Variants in SCG5 observed in about 807,000 individuals in gnomAD.
SCG5 encodes the protein secretogranin V.
SCG5 carries 18 observed loss-of-function variants against 25.7 expected under a neutral mutation model. That is an observed-to-expected ratio of 0.70 (90% CI 0.48 to 1.04). The LOEUF is 1.04. SCG5 is among the 50% of genes least tolerant of loss of function. The pLI is 0.00. For synonymous variants in SCG5, 101 were observed against 91.7 expected, an observed-to-expected ratio of 1.10 and a Z score of -0.58; for missense variants, 206 against 259.8, an observed-to-expected ratio of 0.79 and a Z score of 1.42.
At chr15:32,662,744 GA>G (rs2054240454) in intron 2 of SCG5, among the ~76,000 whole-genome samples, 1 of 152,044 alleles carries the variant, frequency 6.6e-6, no homozygotes, top group African/African-American at 2.4e-5. Context: ...GAAGAAGAGG[GA>G]AGAATGGCGA....
At chr15:32,663,487 G>A (rs2054271894) in intron 2 of SCG5, among the ~76,000 whole-genome samples, 1 of 152,118 alleles carries the variant, frequency 6.6e-6, no homozygotes, top group South Asian at 2.1e-4. Context: ...TGTGGCAGGA[G>A]GCATCAGGGT....
intron 2 of SCG5, among the ~76,000 whole-genome samples, chr15:32,646,860 G>T (rs1445551364): frequency 6.6e-6 from 1 of 152,136 alleles, no homozygotes; most frequent in Middle Eastern, 3.2e-3. Flanking sequence ...GACACATGGA[G>T]TATCTTCCAT....
At chr15:32,645,327 G>A (rs190149473) in intron 2 of SCG5, among the ~76,000 whole-genome samples, 24 of 152,270 alleles carry the variant, frequency 1.6e-4, no homozygotes, top group South Asian at 1.2e-3. Context: ...AGCCACTCCC[G>A]GGGCATCAAA....
intron 2 of SCG5, among the ~76,000 whole-genome samples, chr15:32,648,962 G>A (rs543645044): frequency 6.6e-6 from 1 of 152,178 alleles, no homozygotes; most frequent in Admixed American, 6.5e-5. Context: ...TAGTAGAGAC[G>A]GGGTTTCACC....
chr15:32,667,498 T>C (rs888994895), intron 2 of SCG5, among the ~76,000 whole-genome samples: 2 of 152,368 alleles, frequency 1.3e-5, no homozygotes, highest in African/African-American at 4.8e-5. Context: ...TCTGAGCGTA[T>C]TGCCGGAGGC....
Position 32,643,745 on chromosome 15 carries a change from G to A in SCG5, c.153G>A (p.Leu51=), listed in dbSNP as rs763857379. Residue 51 remains leucine (L), a synonymous_variant, in exon 2 of 6, where the codon TTG becomes TTA. Transcript: ENST00000300175. ...TGCTTCATGGTGTTATGGAGCAATT[G>A]GGCATTGCCAGGCCCCGAGTGGAAT... ...QRLLHGVMEQ[L]GIARPRVEYP... is the part of the protein sequence containing the mutation. The A allele has an allele frequency of 1.2e-6, 2 of 1,613,914 alleles. No homozygotes were observed. Among genetic ancestry groups the A allele is most frequent in the South Asian group, 1.1e-5 (1 of 91,072 alleles).
At chr15:32,643,910 C>T (rs1182792200) in intron 2 of SCG5, 92 bp downstream of exon 2, 11 of 1,049,808 alleles carry the variant, frequency 1.0e-5, no homozygotes, top group Non-Finnish European at 1.5e-5. Flanking sequence ...AAGTAGATGC[C>T]TTTATTATCC....
chr15:32,654,907 C>T (rs749419233), intron 2 of SCG5, among the ~76,000 whole-genome samples: 2 of 152,176 alleles, frequency 1.3e-5, no homozygotes, highest in Non-Finnish European at 2.9e-5. Context: ...CCAGCCTTCG[C>T]AACATGTAAA....
chr15:32,645,457 A>T (rs1244433313), intron 2 of SCG5, among the ~76,000 whole-genome samples: 1 of 152,162 alleles, frequency 6.6e-6, no homozygotes, highest in African/African-American at 2.4e-5. Flanking sequence ...GTCTGAGTGG[A>T]GAGGGAAGTG....
intron 2 of SCG5, among the ~76,000 whole-genome samples, chr15:32,664,533 G>A (rs543199794): frequency 6.6e-6 from 1 of 152,170 alleles, no homozygotes; most frequent in African/African-American, 2.4e-5. Context: ...TTCAAGTTTT[G>A]TGAGGCCTGA....
intron 4 of SCG5, among the ~76,000 whole-genome samples, chr15:32,690,699 A>G (rs755281802): frequency 2.6e-5 from 4 of 152,164 alleles, no homozygotes; most frequent in Non-Finnish European, 5.9e-5. Flanking sequence ...GGCATTTGTC[A>G]TTTTCAATTC....
At chr15:32,672,460 C>T (rs1297087302) in intron 2 of SCG5, among the ~76,000 whole-genome samples, 1 of 152,240 alleles carries the variant, frequency 6.6e-6, no homozygotes, top group Non-Finnish European at 1.5e-5. Context: ...GTGAGGTGGG[C>T]ACTCAGGTGC....
chr15:32,690,605 G>T (rs2140606260), intron 4 of SCG5, among the ~76,000 whole-genome samples: 2 of 152,330 alleles, frequency 1.3e-5, no homozygotes, highest in South Asian at 4.1e-4. Context: ...TCCTTGCATA[G>T]TTGAGGTTGG....
intron 2 of SCG5, among the ~76,000 whole-genome samples, chr15:32,663,049 AT>A (rs1276737430): frequency 1.5e-3 from 39 of 25,772 alleles, no homozygotes; most frequent in South Asian, 0.015. Flanking sequence ...ATATATATAT[AT>A]ATATATATAT....
intron 2 of SCG5, among the ~76,000 whole-genome samples, chr15:32,663,995 C>CACTATA (rs774408425): frequency 0.072 from 10,972 of 152,158 alleles, 546 homozygotes; most frequent in Middle Eastern, 0.18. Context: ...AAAATATCTC[C>CACTATA]CATGTGGTAT....
rs1378932090 is a variant in SCG5, at chr15:32,650,933, C to T, written c.226+7115C>T. On this transcript the variant is annotated intron_variant, in intron 2 of 5. Transcript: ENST00000300175. Reference sequence around the variant, plus strand: ...CCACGTTCTGCCGGGCGCGATGGCTCACGCCTGTAATCCCAGCACTTTGGG... The same window carrying T: ...CCACGTTCTGCCGGGCGCGATGGCTTACGCCTGTAATCCCAGCACTTTGGG... Among the ~76,000 whole-genome samples the T allele has an allele frequency of 1.2e-4, 18 of 152,214 alleles. 1 individual carries two copies. Among genetic ancestry groups the T allele is most frequent in the Non-Finnish European group, 2.5e-4 (17 of 68,048 alleles).
At chr15:32,659,243 C>T (rs2054178178) in intron 2 of SCG5, among the ~76,000 whole-genome samples, 1 of 152,176 alleles carries the variant, frequency 6.6e-6, no homozygotes, top group Non-Finnish European at 1.5e-5. Context: ...TGCCCCTGCA[C>T]TCGCACTGCA....
intron 2 of SCG5, among the ~76,000 whole-genome samples, chr15:32,676,224 C>A (rs143464889): frequency 1.3e-5 from 2 of 152,282 alleles, no homozygotes; most frequent in Admixed American, 6.5e-5. Flanking sequence ...TCATTAAATG[C>A]AGTTTAAAAA....
At chr15:32,648,783 T>TAAAAAA (rs1212922715) in intron 2 of SCG5, among the ~76,000 whole-genome samples, 1 of 131,280 alleles carries the variant, frequency 7.6e-6, no homozygotes, top group African/African-American at 2.6e-5. Context: ...TTTTTTTTTT[T>TAAAAAA]AAAAAAAAAA....
Sources: allele counts gnomAD v4.1 joint callset (sites outside exome capture counted in the v4.1 genomes callset), GRCh38; gene constraint gnomAD v4.1.1; transcripts MANE v1.5; gene names NCBI Gene and HGNC (gene_info 2026-07-23, HGNC 2026-07-21).